Variants in ITGA11 observed in about 807,000 individuals in gnomAD.
The protein encoded by ITGA11 is integrin alpha-11.
A neutral mutation model predicts 141.9 loss-of-function variants in ITGA11; 97 were observed. The ratio of observed to expected loss-of-function variants is 0.68; its 90% confidence interval spans 0.58 to 0.81. The LOEUF (loss-of-function observed/expected upper bound fraction) is 0.81. Ranked by LOEUF, ITGA11 falls within the 30% of genes least tolerant of loss-of-function variation. The pLI is 0.00. For missense variants in ITGA11, 1,387 were observed against 1,559.2 expected, an observed-to-expected ratio of 0.89 and a Z score of 1.86; for synonymous variants, 658 against 624.6, an observed-to-expected ratio of 1.05 and a Z score of -0.80.
chr15:68,314,317 C>T (rs139107282), intron 22 of ITGA11, among the ~76,000 whole-genome samples: 510 of 152,226 alleles, frequency 3.4e-3, no homozygotes, highest in African/African-American at 6.1e-3. Flanking sequence ...CTGGACTGAC[C>T]GGGGGCAGCT....
chr15:68,332,291 G>A, intron 13 of ITGA11, 47 bp downstream of exon 13: 1 of 1,565,816 alleles, frequency 6.4e-7, no homozygotes, highest in East Asian at 2.4e-5. Context: ...AGTCAAAGCA[G>A]AGGTTGGGGG....
At chr15:68,397,418 T>TA (rs1896323660) in intron 2 of ITGA11, among the ~76,000 whole-genome samples, 5 of 37,794 alleles carry the variant, frequency 1.3e-4, no homozygotes, top group African/African-American at 5.5e-4. Context: ...ATTTATTATA[T>TA]ATAAATATTA....
chr15:68,395,874 T>C (rs1373123712), intron 2 of ITGA11, among the ~76,000 whole-genome samples: 1 of 149,678 alleles, frequency 6.7e-6, no homozygotes, highest in Non-Finnish European at 1.5e-5. Flanking sequence ...AGTATAATAA[T>C]AATAACAATA....
At chr15:68,315,607 C>T (rs757790869) in intron 22 of ITGA11, 44 bp downstream of exon 22, 89 of 1,539,542 alleles carry the variant, frequency 5.8e-5, no homozygotes, top group Middle Eastern at 1.7e-4. Flanking sequence ...AGCTGGGCCC[C>T]GGAATAGCAA....
Position 68,341,561 on chromosome 15 carries a change from A to G in ITGA11, c.1132-1917T>C, listed in dbSNP as rs112073024. On this transcript the variant is annotated intron_variant, in intron 10 of 29. Transcript: ENST00000315757. ...AAGTAGGGCAGAGAAGAAAACATCT[A>G]TCTGTTTCCCCAAAGCCTGCTGTGG... Among the ~76,000 whole-genome samples the G allele has an allele frequency of 3.0e-3, 459 of 152,320 alleles. 3 individuals are homozygous for G. Among genetic ancestry groups the G allele is most frequent in the African/African-American group, 0.01 (423 of 41,580 alleles).
intron 26 of ITGA11, 52 bp downstream of exon 26, chr15:68,310,942 C>A: frequency 7.1e-7 from 1 of 1,399,820 alleles, no homozygotes; most frequent in South Asian, 1.2e-5. Flanking sequence ...AGAGCACCGG[C>A]GGCACGCCTC....
intron 2 of ITGA11, among the ~76,000 whole-genome samples, chr15:68,390,848 T>A (rs1896102167): frequency 6.6e-6 from 1 of 152,220 alleles, no homozygotes; most frequent in African/African-American, 2.4e-5. Context: ...CTCCCAAGGT[T>A]CTTCTTCCAC....
In ITGA11 at chr15:68,326,870, A is replaced by G. The variant is rs1424706076; in HGVS notation, c.2069-74T>C. 2 of 1,484,686 alleles carry G rather than the reference A, an allele frequency of 1.3e-6. No individual in the cohort carries two copies. The highest frequency in any genetic ancestry group is 2.2e-5 in the Admixed American group (1 of 46,288). 92.0% of individuals were successfully genotyped at this position (1,484,686 alleles called of 1,614,324 possible). A position where few individuals can be genotyped will look rare whatever the true frequency, so the allele number is the denominator to read the frequency against. ...TCCAAGACTGTCTGCCTCCTCCAGG[A>G]AGCCCCCCAGGCTGGCCAGGGGAGA... On this transcript the variant is annotated intron_variant, in intron 16 of 29. Transcript: ENST00000315757. This position sits in a 1 kb window ranked among gnomAD's most constrained non-coding sequence, Gnocchi z 6.8.
At chr15:68,411,633 A>G (rs1350985610) in intron 1 of ITGA11, among the ~76,000 whole-genome samples, 2 of 152,230 alleles carry the variant, frequency 1.3e-5, no homozygotes, top group African/African-American at 4.8e-5. Flanking sequence ...GCTGGGATAC[A>G]AAAACAAGTG....
intron 5 of ITGA11, among the ~76,000 whole-genome samples, chr15:68,359,443 C>T (rs1046509855): frequency 4.6e-5 from 7 of 152,104 alleles, no homozygotes; most frequent in African/African-American, 1.7e-4. Flanking sequence ...ATCAGGAGTT[C>T]GAGACCAGCC....
chr15:68,357,930 T>C (rs560413709), intron 6 of ITGA11, among the ~76,000 whole-genome samples: 34 of 152,344 alleles, frequency 2.2e-4, no homozygotes, highest in Middle Eastern at 6.8e-3. Flanking sequence ...ACTCCCTTTT[T>C]AACAGCCCTA....
At chr15:68,426,666 C>T (rs1223454633) in intron 1 of ITGA11, among the ~76,000 whole-genome samples, 2 of 152,132 alleles carry the variant, frequency 1.3e-5, no homozygotes, top group Non-Finnish European at 2.9e-5. Flanking sequence ...GAAGACACCT[C>T]CTTTAACAAG....
intron 20 of ITGA11, among the ~76,000 whole-genome samples, chr15:68,319,184 G>C (rs375201646): frequency 6.6e-6 from 1 of 152,242 alleles, no homozygotes; most frequent in Non-Finnish European, 1.5e-5. Context: ...CCAGCTGTGG[G>C]GTGGGAATTC....
chr15:68,329,484 G>A (rs11858293), intron 15 of ITGA11, among the ~76,000 whole-genome samples: 11,769 of 152,236 alleles, frequency 0.077, 1,494 homozygotes, highest in African/African-American at 0.27. Context: ...GCTCTCGCCC[G>A]CAATTTCATC....
In ITGA11 at chr15:68,303,666, C is replaced by T; in HGVS notation, c.3495+106G>A. The T allele has an allele frequency of 1.4e-6, 1 of 714,612 alleles. No homozygotes were observed. The highest frequency in any genetic ancestry group is 2.4e-6 in the Non-Finnish European group (1 of 421,190). 44.3% of individuals were successfully genotyped at this position (714,612 alleles called of 1,614,324 possible). ...GCTATGGCGAGGGGTGGGGTGCCAGCTCCCCTGGAGAGGAGAACGTGGCAG... is the reference window on the plus strand; with the variant it reads ...GCTATGGCGAGGGGTGGGGTGCCAGTTCCCCTGGAGAGGAGAACGTGGCAG... On this transcript the variant is annotated intron_variant, in intron 29 of 29. Transcript: ENST00000315757. The surrounding 1 kb of genome is among the most constrained non-coding windows in gnomAD (Gnocchi z 5.3).
chr15:68,399,435 G>A (rs1256072517), intron 2 of ITGA11, among the ~76,000 whole-genome samples: 1 of 152,082 alleles, frequency 6.6e-6, no homozygotes, highest in African/African-American at 2.4e-5. Context: ...ATTACTATTT[G>A]ACCCAGCAAT....
chr15:68,359,444 G>A (rs544903633), intron 5 of ITGA11, among the ~76,000 whole-genome samples: 6 of 152,134 alleles, frequency 3.9e-5, no homozygotes, highest in African/African-American at 1.4e-4. Context: ...TCAGGAGTTC[G>A]AGACCAGCCT....
At position 68,296,917 on chromosome 15, in the gene ITGA11, A is replaced by G. The variant is rs1310410918; in HGVS notation, c.*6142T>C. ...TTCTCTTCTTTGGTTTAAAATGTTG[A>G]TTTTCCTATAATTTGTTTGGTTTTT... On this transcript the variant is annotated 3_prime_UTR_variant, in exon 30 of 30. Coordinates refer to ENST00000315757, the MANE Select transcript of ITGA11 (RefSeq NM_001004439.2). 7.0e-6 allele frequency: 1 copy of G among 142,562 alleles called. No homozygotes were observed. Among genetic ancestry groups the G allele is most frequent in the Non-Finnish European group, 1.5e-5 (1 of 65,304 alleles). The allele number at this position is 142,562 out of a possible 1,614,324, so 8.8% of individuals were successfully genotyped here.
intron 3 of ITGA11, chr15:68,365,114 C>T (rs1428618607): frequency 1.3e-5 from 13 of 981,602 alleles, no homozygotes; most frequent in African/African-American, 8.7e-5. Context: ...CCCACTTCCC[C>T]GTGTGCCCCC....
Sources: gnomAD v4.1 joint callset for allele counts (sites outside exome capture counted in the v4.1 genomes callset) on GRCh38, gnomAD v4.1.1 for gene constraint, Gnocchi (gnomAD v3.1) non-coding constraint, MANE v1.5 for transcripts, NCBI Gene and HGNC (gene_info 2026-07-23, HGNC 2026-07-21) for gene names.